CRYBA4: variants seen among roughly 807,000 people sequenced by gnomAD.
The protein encoded by CRYBA4 is crystallin beta A4, also known as beta-crystallin A4.
In CRYBA4, 30 loss-of-function variants were observed where a neutral mutation model predicts 31.7. That is an observed-to-expected ratio of 0.95 (90% confidence interval 0.71 to 1.28). The LOEUF (loss-of-function observed/expected upper bound fraction) is 1.28. CRYBA4 is among the 50% of genes most tolerant of loss of function. The pLI is 0.00. For synonymous variants in CRYBA4, 102 were observed against 102.3 expected, an observed-to-expected ratio of 1.00 and a Z score of 0.02; for missense variants, 225 against 260.7, an observed-to-expected ratio of 0.86 and a Z score of 0.94.
At chr22:26,610,403 C>A in the CRYBA4 span, among the ~76,000 whole-genome samples, 1 of 152,250 alleles carries the variant, frequency 6.6e-6, no homozygotes. Context: ...ACCACAGGCC[C>A]GTTTCCATGC....
chr22:26,608,132 G>A, the CRYBA4 span: 1 of 1,515,304 alleles, frequency 6.6e-7, no homozygotes, highest in Non-Finnish European at 9.1e-7. Flanking sequence ...AGGACAGTAG[G>A]AAAGTCCAAA....
chr22:26,623,135 A>G (rs1257925490), intron 2 of CRYBA4, 99 bp from the exon 3 acceptor site: 5 of 997,316 alleles, frequency 5.0e-6, no homozygotes, highest in Non-Finnish European at 7.9e-6. Context: ...TGAGTTTGCA[A>G]TCCCTGCTTT....
the CRYBA4 span, among the ~76,000 whole-genome samples, chr22:26,606,930 G>T: frequency 6.6e-6 from 1 of 151,314 alleles, no homozygotes; most frequent in Non-Finnish European, 1.5e-5. Context: ...TCTTCTGGAA[G>T]TTGACTTAGT....
chr22:26,607,762 G>C, the CRYBA4 span: 1 of 1,299,572 alleles, frequency 7.7e-7, no homozygotes, highest in East Asian at 2.3e-5. Flanking sequence ...ACGGTCCTTT[G>C]ACAACTCGGA....
chr22:26,627,360 C>CCTCCCTCCCTCCCTTCTT (rs1555944163), intron 4 of CRYBA4, among the ~76,000 whole-genome samples: 2 of 25,218 alleles, frequency 7.9e-5, no homozygotes, highest in Non-Finnish European at 1.4e-4. Context: ...TCCCTCCCTC[C>CCTCCCTCCCTCCCTTCTT]TTTCTTTCTT....
chr22:26,599,405 G>A, the CRYBA4 span: 1 of 1,450,682 alleles, frequency 6.9e-7, no homozygotes, highest in Non-Finnish European at 9.4e-7. Context: ...TTTGGCTTTA[G>A]GGAATTTTAT....
At chr22:26,612,046 G>A in the CRYBA4 span, 4 of 1,501,646 alleles carry the variant, frequency 2.7e-6, no homozygotes, top group Admixed American at 3.3e-5. Context: ...GGCAGAGAGT[G>A]TGCCCCTCCG....
intron 4 of CRYBA4, among the ~76,000 whole-genome samples, chr22:26,627,275 AGAT>A (rs1193640228): frequency 7.1e-4 from 108 of 151,444 alleles, no homozygotes; most frequent in African/African-American, 2.3e-3. Context: ...GAAGGATTTG[AGAT>A]GATATCTCTA....
chr22:26,598,581 G>A, the CRYBA4 span, among the ~76,000 whole-genome samples: 7 of 151,134 alleles, frequency 4.6e-5, no homozygotes, highest in South Asian at 4.2e-4. Flanking sequence ...ATGGGGTTTC[G>A]CGATGTTGGC....
upstream of CRYBA4, among the ~76,000 whole-genome samples, chr22:26,619,156 G>A (rs1929455941): frequency 6.6e-6 from 1 of 152,192 alleles, no homozygotes; most frequent in Non-Finnish European, 1.5e-5. Flanking sequence ...GTACGGAGGA[G>A]ATAGGGAAAC....
At chr22:26,626,873 A>G (rs1320289854) in intron 4 of CRYBA4, among the ~76,000 whole-genome samples, 2 of 152,324 alleles carry the variant, frequency 1.3e-5, no homozygotes, top group Non-Finnish European at 1.5e-5. Context: ...TATTGCACAC[A>G]TAATTTTGTC....
the CRYBA4 span, among the ~76,000 whole-genome samples, chr22:26,614,684 T>G: frequency 1.3e-5 from 2 of 152,284 alleles, no homozygotes; most frequent in East Asian, 3.9e-4. Context: ...CATTGCATAT[T>G]TCAATAAATT....
chr22:26,629,734 CAAA>C (rs66906132), intron 5 of CRYBA4, among the ~76,000 whole-genome samples: 2 of 80,598 alleles, frequency 2.5e-5, no homozygotes, highest in African/African-American at 4.1e-5. Context: ...GACTCTGTCT[CAAA>C]AAAAAAAAAA....
At chr22:26,608,005 G>T in the CRYBA4 span, 9 of 1,614,176 alleles carry the variant, frequency 5.6e-6, no homozygotes, top group Non-Finnish European at 7.6e-6. Flanking sequence ...AAGTTGGACT[G>T]CTCAAAGGCG....
Position 26,622,575 on chromosome 22 carries a change from T to G in CRYBA4, c.-12-10T>G. ...AGGGTGGAAGATTATAATGTTCTTC[T>G]CTTCTGCAGGAAGGGGCCACAATGA... On this transcript the variant is annotated splice_polypyrimidine_tract_variant and intron_variant, in intron 1 of 5. Transcript: ENST00000354760. The G allele has an allele frequency of 6.2e-7, 1 of 1,612,058 alleles. No individual in the cohort carries two copies. The highest frequency in any genetic ancestry group is 8.5e-7 in the Non-Finnish European group (1 of 1,178,424).
chr22:26,599,487 G>T, the CRYBA4 span: 1 of 1,608,960 alleles, frequency 6.2e-7, no homozygotes, highest in Non-Finnish European at 8.5e-7. Context: ...GTGAGGTGTG[G>T]ACTCACTTGG....
chr22:26,601,713 G>A, the CRYBA4 span, among the ~76,000 whole-genome samples: 1 of 151,482 alleles, frequency 6.6e-6, no homozygotes, highest in African/African-American at 2.4e-5. Flanking sequence ...CTATTCCCCA[G>A]AGGAATAGAG....
the CRYBA4 span, chr22:26,599,586 G>A: frequency 6.2e-7 from 1 of 1,614,176 alleles, no homozygotes; most frequent in South Asian, 1.1e-5. Context: ...GTGGCTGGAA[G>A]GCTCCCCACT....
the CRYBA4 span, among the ~76,000 whole-genome samples, chr22:26,601,724 C>T: frequency 6.6e-6 from 1 of 151,708 alleles, no homozygotes; most frequent in Non-Finnish European, 1.5e-5. Context: ...AGGAATAGAG[C>T]TCTGTTGGCT....
Sources: allele counts gnomAD v4.1 joint callset (sites outside exome capture counted in the v4.1 genomes callset), GRCh38; gene constraint gnomAD v4.1.1; transcripts MANE v1.5; gene names NCBI Gene and HGNC (gene_info 2026-07-23, HGNC 2026-07-21).